Variants in ADIPOQ observed in about 807,000 individuals in gnomAD.
The protein encoded by ADIPOQ is adiponectin.
A neutral mutation model predicts 16.1 loss-of-function variants in ADIPOQ; 19 were observed. That is an observed-to-expected ratio of 1.18 (90% confidence interval 0.82 to 1.73). The LOEUF (loss-of-function observed/expected upper bound fraction) is 1.73. Among genes scored for constraint, ADIPOQ ranks in the 40% most tolerant of loss-of-function variants. ADIPOQ has a pLI of 0.00. For synonymous variants in ADIPOQ, 124 were observed against 125.5 expected, an observed-to-expected ratio of 0.99 and a Z score of 0.08; for missense variants, 323 against 308.3, an observed-to-expected ratio of 1.05 and a Z score of -0.36.
At chr3:186,853,316 G>T (rs1416972629) in intron 2 of ADIPOQ, 44 bp downstream of exon 2, 1 of 1,542,674 alleles carries the variant, frequency 6.5e-7, no homozygotes. Flanking sequence ...CTCCTACACT[G>T]ATATAAACTA....
chr3:186,843,425 C>G (rs998357593), intron 1 of ADIPOQ, among the ~76,000 whole-genome samples: 1 of 151,952 alleles, frequency 6.6e-6, no homozygotes, highest in African/African-American at 2.4e-5. Flanking sequence ...TTTGGGAGAC[C>G]GAGGCGGGTG....
At position 186,857,200 on chromosome 3, in the gene ADIPOQ, T is replaced by C. The variant is rs1712037124; in HGVS notation, c.*2496T>C. On this transcript the variant is annotated 3_prime_UTR_variant, in exon 3 of 3. Transcript: ENST00000320741. ...CAAGTGTAACCTTGCATCTCATTGCTCTGGCTGAGTTGTGTGCCTGTTTCT... is the reference window on the plus strand; with the variant it reads ...CAAGTGTAACCTTGCATCTCATTGCCCTGGCTGAGTTGTGTGCCTGTTTCT... The C allele has an allele frequency of 6.6e-6, 1 of 152,232 alleles. No individual in the cohort carries two copies. Among genetic ancestry groups the C allele is most frequent in the African/African-American group, 2.4e-5 (1 of 41,458 alleles). The allele number at this position is 152,232 out of a possible 1,614,324, so 9.4% of individuals were successfully genotyped here. A position where few individuals can be genotyped will look rare whatever the true frequency, so the allele number is the denominator to read the frequency against.
chr3:186,854,875 T>C lies in ADIPOQ; in HGVS notation c.*171T>C. On this transcript the variant is annotated 3_prime_UTR_variant, in exon 3 of 3. Coordinates refer to ENST00000320741, the MANE Select transcript of ADIPOQ (RefSeq NM_004797.4). ...ATCGAGTAACTTTAAAAAAATCATA[T>C]GCTATGTTCCCAGTCCTGGGGAGCT... is the stretch of plus-strand genomic sequence containing the variant. 1.0e-6 allele frequency: 1 copy of C among 980,782 alleles called. No homozygotes were observed. Among genetic ancestry groups the C allele is most frequent in the Non-Finnish European group, 1.5e-6 (1 of 663,984 alleles). 60.8% of individuals were successfully genotyped at this position (980,782 alleles called of 1,614,324 possible). A position where few individuals can be genotyped will look rare whatever the true frequency, so the allele number is the denominator to read the frequency against.
intron 1 of ADIPOQ, among the ~76,000 whole-genome samples, chr3:186,850,235 A>G (rs1711703546): frequency 6.7e-6 from 1 of 148,494 alleles, no homozygotes; most frequent in Non-Finnish European, 1.5e-5. Context: ...GTGCCACTGC[A>G]CTACAGCCTG....
chr3:186,857,368 A>G lies in ADIPOQ; in HGVS notation c.*2664A>G, dbSNP rs940001738. The G allele has an allele frequency of 6.6e-6, 1 of 152,220 alleles. No individual in the cohort carries two copies. Among genetic ancestry groups the G allele is most frequent in the African/African-American group, 2.4e-5 (1 of 41,444 alleles). 9.4% of individuals were successfully genotyped at this position (152,220 alleles called of 1,614,324 possible). ...GAGAGTGGATGATAGATGCAAAATAATACCTGTCCACAACAAACTCTTAAT... is the reference window on the plus strand; with the variant it reads ...GAGAGTGGATGATAGATGCAAAATAGTACCTGTCCACAACAAACTCTTAAT... On this transcript the variant is annotated 3_prime_UTR_variant, in exon 3 of 3. Coordinates refer to ENST00000320741, the MANE Select transcript of ADIPOQ (RefSeq NM_004797.4).
chr3:186,853,562 G>A (rs1711867262), intron 2 of ADIPOQ, among the ~76,000 whole-genome samples: 1 of 152,090 alleles, frequency 6.6e-6, no homozygotes, highest in Non-Finnish European at 1.5e-5. Flanking sequence ...TCCTCTTTCT[G>A]TCTGCTTAAC....
intron 1 of ADIPOQ, among the ~76,000 whole-genome samples, chr3:186,844,329 G>A (rs113786849): frequency 1.3e-5 from 2 of 152,078 alleles, no homozygotes; most frequent in African/African-American, 4.8e-5. Context: ...TATATTTTTA[G>A]TAGAGATGGG....
chr3:186,851,180 A>G (rs1449391259), intron 1 of ADIPOQ, among the ~76,000 whole-genome samples: 1 of 152,196 alleles, frequency 6.6e-6, no homozygotes, highest in African/African-American at 2.4e-5. Context: ...CATATAATCT[A>G]GAAGAGACAA....
At chr3:186,849,595 A>C (rs1489168010) in intron 1 of ADIPOQ, among the ~76,000 whole-genome samples, 1 of 152,218 alleles carries the variant, frequency 6.6e-6, no homozygotes, top group East Asian at 1.9e-4. Flanking sequence ...TGGGTCTTAA[A>C]TAAAGACTCA....
At chr3:186,848,902 C>G (rs1313880813) in intron 1 of ADIPOQ, among the ~76,000 whole-genome samples, 1 of 152,152 alleles carries the variant, frequency 6.6e-6, no homozygotes. Context: ...AGAGTCCGTT[C>G]TTGGTCTTGG....
intron 1 of ADIPOQ, among the ~76,000 whole-genome samples, chr3:186,851,241 C>G (rs1711756500): frequency 6.6e-6 from 1 of 152,126 alleles, no homozygotes; most frequent in South Asian, 2.1e-4. Flanking sequence ...AGTACATGGA[C>G]TACACTTTGT....
chr3:186,842,804 T>C (rs751872399), intron 1 of ADIPOQ, 55 bp downstream of exon 1: 41 of 152,676 alleles, frequency 2.7e-4, no homozygotes, highest in Non-Finnish European at 5.1e-4. Context: ...GCATAGCCTC[T>C]GGCTGGGATC....
intron 1 of ADIPOQ, among the ~76,000 whole-genome samples, chr3:186,846,549 A>G (rs1266669802): frequency 2.0e-5 from 3 of 151,750 alleles, no homozygotes; most frequent in African/African-American, 7.3e-5. Context: ...TGTGTGCTTT[A>G]ATGCCCTTTT....
intron 1 of ADIPOQ, among the ~76,000 whole-genome samples, chr3:186,844,131 G>T (rs570705219): frequency 1.8e-4 from 28 of 152,242 alleles, no homozygotes; most frequent in African/African-American, 6.3e-4. Flanking sequence ...AAGGCCAGTG[G>T]TACACAGGGA....
chr3:186,853,325 T>C, intron 2 of ADIPOQ, 53 bp downstream of exon 2: 1 of 1,535,792 alleles, frequency 6.5e-7, no homozygotes, highest in Non-Finnish European at 8.8e-7. Context: ...TGATATAAAC[T>C]ATATGAAGGC....
At chr3:186,848,998 G>A (rs1711661403) in intron 1 of ADIPOQ, among the ~76,000 whole-genome samples, 1 of 152,094 alleles carries the variant, frequency 6.6e-6, no homozygotes. Context: ...CAGGCTGATC[G>A]CACCTATTAG....
intron 1 of ADIPOQ, among the ~76,000 whole-genome samples, chr3:186,843,942 C>T (rs1358104320): frequency 6.6e-6 from 1 of 152,042 alleles, no homozygotes; most frequent in Non-Finnish European, 1.5e-5. Context: ...GGACATGGAT[C>T]CCTGGTCTGG....
chr3:186,843,921 C>G (rs1487856031), intron 1 of ADIPOQ, among the ~76,000 whole-genome samples: 2 of 152,072 alleles, frequency 1.3e-5, no homozygotes, highest in African/African-American at 2.4e-5. Context: ...GTCTGCCCCT[C>G]TTGTGTTAGA....
intron 1 of ADIPOQ, among the ~76,000 whole-genome samples, chr3:186,849,149 T>C (rs1051831510): frequency 3.3e-5 from 5 of 152,220 alleles, no homozygotes; most frequent in African/African-American, 1.2e-4. Context: ...CTCCAAGGTT[T>C]GGGGTAAGCC....
Sources: allele counts gnomAD v4.1 joint callset (sites outside exome capture counted in the v4.1 genomes callset), GRCh38; gene constraint gnomAD v4.1.1; transcripts MANE v1.5; gene names NCBI Gene and HGNC (gene_info 2026-07-23, HGNC 2026-07-21).